POTEF: variants seen among roughly 807,000 people sequenced by gnomAD.
The protein encoded by POTEF is ANKRD26-like family C member 1B.
POTEF carries 20 observed loss-of-function variants against 83.2 expected under a neutral mutation model. The ratio of observed to expected loss-of-function variants is 0.24; its 90% CI spans 0.17 to 0.35. The LOEUF (loss-of-function observed/expected upper bound fraction) is 0.35. Ranked by LOEUF, POTEF falls within the 10% of genes least tolerant of loss-of-function variation. The pLI is 1.00. For missense variants in POTEF, 550 were observed against 1,203.2 expected (o/e 0.46, Z 8.03); for synonymous variants, 196 against 446.4 (o/e 0.44, Z 7.07).
At chr2:130,108,265 A>G (rs1684601398) in intron 7 of POTEF, among the ~76,000 whole-genome samples, 186 bp from the exon 8 acceptor site, 1 of 151,210 alleles carries the variant, frequency 6.6e-6, no homozygotes, top group Admixed American at 6.6e-5. Context: ...AGAAGAAAAA[A>G]ATGTAAGGTG....
At position 130,112,091 on chromosome 2, in the gene POTEF, G is replaced by A; in HGVS notation, c.821C>T (p.Thr274Ile). 1 of 1,491,228 alleles carries A rather than the reference G, an allele frequency of 6.7e-7. No individual in the cohort carries two copies. The allele number at this position is 1,491,228 out of a possible 1,614,324, so 92.4% of individuals were successfully genotyped here. A position where few individuals can be genotyped will look rare whatever the true frequency, so the allele number is the denominator to read the frequency against. Reference sequence around the variant, plus strand: ...CTCATGTACACCAAGTAACAGTGGTGTGAGGCCATGCTGTAAAACAATATA... The same window carrying A: ...CTCATGTACACCAAGTAACAGTGGTATGAGGCCATGCTGTAAAACAATATA... ...DIESKNKHGL[T>I]PLLLGVHEQK... Residue 274 changes from threonine to isoleucine, a missense_variant, in exon 6 of 17, where the codon ACA (threonine) becomes ATA (isoleucine). Transcript: ENST00000409914.
intron 8 of POTEF, among the ~76,000 whole-genome samples, chr2:130,106,959 A>AGAGC (rs1314077231): frequency 1.3e-5 from 2 of 149,958 alleles, no homozygotes; most frequent in African/African-American, 5.0e-5. Context: ...TAAAGATCAA[A>AGAGC]ACTACATCTA....
At chr2:130,093,029 C>T (rs1180254932) in intron 12 of POTEF, among the ~76,000 whole-genome samples, 6 of 142,606 alleles carry the variant, frequency 4.2e-5, no homozygotes, top group Non-Finnish European at 7.6e-5. Flanking sequence ...ACAGCCTCTA[C>T]TCTGTCTCCA....
intron 3 of POTEF, among the ~76,000 whole-genome samples, chr2:130,118,467 T>C (rs1318466461): frequency 6.6e-6 from 1 of 151,640 alleles, no homozygotes; most frequent in African/African-American, 2.4e-5. Flanking sequence ...GAGGCCAAGG[T>C]GGGTGGATCA....
intron 3 of POTEF, among the ~76,000 whole-genome samples, chr2:130,117,724 A>C (rs1369567065): frequency 6.6e-6 from 1 of 152,022 alleles, no homozygotes; most frequent in Admixed American, 6.5e-5. Flanking sequence ...CTGCTATTTT[A>C]ATCAATACTA....
chr2:130,126,433 TGAGA>T (rs1685095387), intron 2 of POTEF, among the ~76,000 whole-genome samples: 2 of 151,776 alleles, frequency 1.3e-5, no homozygotes, highest in East Asian at 1.9e-4. Context: ...TCCAAATATG[TGAGA>T]GAGATGAAAT....
chr2:130,116,593 A>G, intron 3 of POTEF, among the ~76,000 whole-genome samples: 1 of 105,700 alleles, frequency 9.5e-6, no homozygotes, highest in Non-Finnish European at 1.9e-5. Context: ...TATAAGTAAG[A>G]ACATGCAATA....
chr2:130,075,435 A>G lies in POTEF; in HGVS notation c.2037T>C (p.Asp679=), dbSNP rs771760870. ...SQLREKKYLE[D]IESVKKRNDN... is the part of the protein sequence containing the mutation. Reference sequence around the variant, plus strand: ...CATTCCTTTTTTTCACACTTTCAATATCCTCCAAATATTTCTTTTCTCTTA... The same window carrying G: ...CATTCCTTTTTTTCACACTTTCAATGTCCTCCAAATATTTCTTTTCTCTTA... The change falls in exon 17 of 17, where the codon GAT becomes GAC. Residue 679 remains aspartate (D), a synonymous_variant. Transcript: ENST00000409914. 1.9e-6 allele frequency: 3 copies of G among 1,611,434 alleles called. No individual in the cohort carries two copies. The South Asian group carries it at 3.3e-5, about 18-fold the overall frequency.
At chr2:130,128,607 C>G (rs1685156961) in intron 1 of POTEF, among the ~76,000 whole-genome samples, 1 of 151,328 alleles carries the variant, frequency 6.6e-6, no homozygotes, top group African/African-American at 2.4e-5. Flanking sequence ...CACAACCTGA[C>G]CCAGCCACAG....
At position 130,120,406 on chromosome 2, in the gene POTEF, T is replaced by C. The variant is rs751145348; in HGVS notation, c.110A>G (p.Glu37Gly). 3.6e-5 allele frequency: 57 copies of C among 1,597,862 alleles called. No individual in the cohort carries two copies. The African/African-American group carries it at 4.1e-4, about 11-fold the overall frequency. ...AGTGCCCACGTTGCTCTTGCCGCTC[T>C]CCCTGCAGCAGGGGAAGCAACGGCA... ...WCCRCFPCCRESGKSNVGTSG... is the reference protein window; with the variant it reads ...WCCRCFPCCRGSGKSNVGTSG... The change falls in exon 3 of 17, where the codon GAG becomes GGG. Residue 37 changes from glutamate to glycine, a missense_variant. Transcript: ENST00000409914.
In POTEF at chr2:130,120,042, G is replaced by A. The variant is rs759769429; in HGVS notation, c.474C>T (p.Ile158=). 4.5e-6 allele frequency: 7 copies of A among 1,539,918 alleles called. No individual in the cohort carries two copies. In the African/African-American group the frequency reaches 4.9e-5, roughly 11 times the overall value. Residue 158 remains isoleucine (I), a synonymous_variant, in exon 3 of 17, where the codon ATC becomes ATT. Coordinates refer to ENST00000409914, the MANE Select transcript of POTEF (RefSeq NM_001099771.2). ...WWGKVPRKDL[I]VMLRDTDVNK... ...TCACGTCAGTGTCCCTGAGCATGAC[G>A]ATGAGATCCTTTCTGGGGACTTTAC...
chr2:130,116,126 A>G (rs2104822605), intron 3 of POTEF, among the ~76,000 whole-genome samples: 1 of 152,172 alleles, frequency 6.6e-6, no homozygotes, highest in South Asian at 2.1e-4. Context: ...GAAAACAAAA[A>G]CAAATTTCTA....
intron 3 of POTEF, 110 bp downstream of exon 3, chr2:130,119,885 G>C: frequency 8.5e-7 from 1 of 1,171,284 alleles, no homozygotes; most frequent in South Asian, 1.5e-5. Flanking sequence ...ATCCAGGGTG[G>C]TGTGAGGCCT....
At chr2:130,119,730 CTTAA>C (rs968234409) in intron 3 of POTEF, among the ~76,000 whole-genome samples, 2 of 147,804 alleles carry the variant, frequency 1.4e-5, no homozygotes, top group East Asian at 2.0e-4. Flanking sequence ...GCTGCATTGA[CTTAA>C]TTAATTTTGC....
At position 130,129,131 on chromosome 2, in the gene POTEF, C is replaced by T. The variant is rs1240622494; in HGVS notation, c.-309G>A. 1 of 92,894 alleles carries T rather than the reference C, an allele frequency of 1.1e-5. No homozygotes were observed. Among genetic ancestry groups the T allele is most frequent in the Non-Finnish European group, 2.2e-5 (1 of 45,334 alleles). The allele number at this position is 92,894 out of a possible 1,614,324, so 5.8% of individuals were successfully genotyped here. A position where few individuals can be genotyped will look rare whatever the true frequency, so the allele number is the denominator to read the frequency against. ...TGCAGTGTCCCACGTCACCACCAAACACAGCAAGGCGAGCCCCAGGGGCTC... is the reference window on the plus strand; with the variant it reads ...TGCAGTGTCCCACGTCACCACCAAATACAGCAAGGCGAGCCCCAGGGGCTC... On this transcript the variant is annotated 5_prime_UTR_variant, in exon 1 of 17. Coordinates refer to ENST00000409914, the MANE Select transcript of POTEF (RefSeq NM_001099771.2).
chr2:130,107,423 T>A lies in POTEF; in HGVS notation c.1126+586A>T, dbSNP rs569189273. ...GTGATCAAAAATTCCTTACTTTTAC[T>A]TTTTTATCTATGGTAGGACCACGCA... On this transcript the variant is annotated intron_variant, in intron 8 of 16. Coordinates refer to ENST00000409914, the MANE Select transcript of POTEF (RefSeq NM_001099771.2). 6.3e-4 allele frequency among the ~76,000 whole-genome samples: 95 copies of A among 151,096 alleles called. 2 individuals are homozygous for A. The highest frequency in any genetic ancestry group is 7.2e-4 in the Admixed American group (11 of 15,252).
At chr2:130,104,595 A>C (rs981867338) in intron 8 of POTEF, among the ~76,000 whole-genome samples, 9 of 151,612 alleles carry the variant, frequency 5.9e-5, no homozygotes, top group Admixed American at 2.6e-4. Flanking sequence ...AGTCAGAACT[A>C]TGACATGAAG....
At chr2:130,083,334 T>TAA (rs1211478303) in intron 15 of POTEF, among the ~76,000 whole-genome samples, 1,545 of 148,408 alleles carry the variant, frequency 0.01, 9 homozygotes, top group African/African-American at 0.037. Context: ...GACTCTGTCT[T>TAA]AAAAAAAAAA....
intron 6 of POTEF, among the ~76,000 whole-genome samples, chr2:130,111,378 T>C (rs1458910337): frequency 6.6e-6 from 1 of 151,892 alleles, no homozygotes; most frequent in East Asian, 1.9e-4. Context: ...AGGAAAAGTG[T>C]ATCCACTTAA....
Sources: gnomAD v4.1 joint callset for allele counts (sites outside exome capture counted in the v4.1 genomes callset) on GRCh38, gnomAD v4.1.1 for gene constraint, MANE v1.5 for transcripts, NCBI Gene and HGNC (gene_info 2026-07-23, HGNC 2026-07-21) for gene names.